Variants in LAMA2 observed in about 807,000 individuals in gnomAD.
LAMA2 encodes the protein laminin subunit alpha 2.
In LAMA2, 269 loss-of-function variants were observed where a neutral mutation model predicts 364.8. That is an observed-to-expected ratio of 0.74 (90% CI 0.67 to 0.82). LAMA2 has a LOEUF of 0.82. Among genes scored for constraint, LAMA2 ranks in the 40% least tolerant of loss-of-function variants. The probability of loss-of-function intolerance (pLI) is 0.00; values close to 1 mark genes in which losing one functional copy is unlikely to be tolerated. For missense variants in LAMA2, 3,807 were observed against 3,873.2 expected, an observed-to-expected ratio of 0.98 and a Z score of 0.45; for synonymous variants, 1,379 against 1,370.6, an observed-to-expected ratio of 1.01 and a Z score of -0.14.
chr6:129,405,711 T>C (rs868822994), intron 40 of LAMA2, among the ~76,000 whole-genome samples: 3 of 152,200 alleles, frequency 2.0e-5, no homozygotes, highest in Non-Finnish European at 4.4e-5. Flanking sequence ...AATTTTAGTT[T>C]AATAGATCAG....
intron 22 of LAMA2, among the ~76,000 whole-genome samples, chr6:129,304,643 AT>A (rs985103222): frequency 6.6e-6 from 1 of 152,034 alleles, no homozygotes; most frequent in African/African-American, 2.4e-5. Context: ...CATTTGATAC[AT>A]TTTTTTCCAG....
At chr6:129,477,395 CTTTG>C (rs915125439) in intron 53 of LAMA2, among the ~76,000 whole-genome samples, 1 of 152,084 alleles carries the variant, frequency 6.6e-6, no homozygotes, top group African/African-American at 2.4e-5. Context: ...TTCTGATAGC[CTTTG>C]TTTGTTGAGC....
intron 31 of LAMA2, among the ~76,000 whole-genome samples, chr6:129,351,995 G>T (rs2114590332): frequency 6.6e-6 from 1 of 152,242 alleles, no homozygotes; most frequent in Non-Finnish European, 1.5e-5. Flanking sequence ...AGCTAAAGAT[G>T]GTCTATGATT....
At chr6:129,395,334 C>T (rs2437091) in intron 37 of LAMA2, among the ~76,000 whole-genome samples, 95,749 of 152,008 alleles carry the variant, frequency 0.63, 31,348 homozygotes, top group Non-Finnish European at 0.74. Flanking sequence ...TTTAAGGTGG[C>T]ATGTAATTTT....
rs1271872563 is a variant in LAMA2 at position 129,401,235 on chromosome 6, G to A, written c.5457G>A (p.Glu1819=). The A allele has an allele frequency of 3.8e-6, 6 of 1,592,788 alleles. 1 individual carries two copies. The South Asian group carries it at 5.5e-5, about 15-fold the overall frequency. ...ATAATGGTCTACAGAAAAAGAAGGA[G>A]GCTGTTGAAAGCGGCAAACGACAAA... is the stretch of plus-strand genomic sequence containing the variant. ...KNMTALEKKK[E]AVESGKRQIE... Residue 1819 remains glutamate (E), a synonymous_variant, in exon 38 of 65, where the codon GAG becomes GAA. Coordinates refer to ENST00000421865, the MANE Select transcript of LAMA2 (RefSeq NM_000426.4).
chr6:129,192,590 C>T, intron 11 of LAMA2, 90 bp from the exon 12 acceptor site: 1 of 1,296,802 alleles, frequency 7.7e-7, no homozygotes. Flanking sequence ...TTTTTAATTT[C>T]CAAAAGTGGA....
chr6:128,943,459 CTT>C (rs11288751), intron 1 of LAMA2, among the ~76,000 whole-genome samples: 65 of 145,974 alleles, frequency 4.5e-4, no homozygotes, highest in African/African-American at 1.4e-3. Context: ...AGTTATTGTA[CTT>C]TTTTTTTTTT....
At chr6:129,222,739 T>G (rs1454468982) in intron 12 of LAMA2, among the ~76,000 whole-genome samples, 1 of 152,106 alleles carries the variant, frequency 6.6e-6, no homozygotes, top group African/African-American at 2.4e-5. Flanking sequence ...ATCCAGTCTA[T>G]CATTGATGGA....
chr6:129,468,861 C>T (rs745361729), intron 51 of LAMA2, among the ~76,000 whole-genome samples: 24 of 151,830 alleles, frequency 1.6e-4, no homozygotes, highest in Non-Finnish European at 2.9e-4. Context: ...TAGCAAATTA[C>T]TGTATCTGTT....
rs1357068490 is a variant in LAMA2, at chr6:129,149,006, A to G, written c.937A>G (p.Thr313Ala). 1.2e-6 allele frequency: 2 copies of G among 1,613,300 alleles called. No individual in the cohort carries two copies. The highest frequency in any genetic ancestry group is 1.7e-6 in the Non-Finnish European group (2 of 1,179,442). ...NKSRCECEHN[T>A]CGDSCDQCCP... Reference sequence around the variant, plus strand: ...ATCTCGCTGTGAGTGTGAGCATAACACATGTGGCGATAGCTGTGATCAGTG... The same window carrying G: ...ATCTCGCTGTGAGTGTGAGCATAACGCATGTGGCGATAGCTGTGATCAGTG... Residue 313 changes from threonine (T) to alanine (A), a missense_variant, in exon 7 of 65, where the codon ACA becomes GCA. By Grantham distance (58) the Thr-to-Ala change is moderately conservative. This residue lies in a region of LAMA2 where 394 missense variants were observed against 403.5 expected (regional missense o/e 0.98). Coordinates refer to ENST00000421865, the MANE Select transcript of LAMA2 (RefSeq NM_000426.4).
In LAMA2 at chr6:128,911,546, T is replaced by C. The variant is rs868594689; in HGVS notation, c.112+28189T>C. On this transcript the variant is annotated intron_variant, in intron 1 of 64. Transcript: ENST00000421865. ...ACCTGCGCCCACTGTCTGGCATTCC[T>C]TAGTGAGATGAACCCGGTACCTCAG... 2.3e-4 allele frequency among the ~76,000 whole-genome samples: 35 copies of C among 152,216 alleles called. No individual in the cohort carries two copies. In the South Asian group the frequency reaches 2.7e-3, roughly 12 times the overall value.
intron 1 of LAMA2, among the ~76,000 whole-genome samples, chr6:128,899,102 GTTGT>G (rs2114409452): frequency 6.6e-6 from 1 of 152,178 alleles, no homozygotes; most frequent in Non-Finnish European, 1.5e-5. Flanking sequence ...TTTCTTCTTT[GTTGT>G]TTGTCTCCCC....
intron 46 of LAMA2, 41 bp from the exon 47 acceptor site, chr6:129,454,114 T>A: frequency 1.9e-6 from 3 of 1,590,562 alleles, no homozygotes; most frequent in Non-Finnish European, 2.6e-6. Context: ...TAAAGGTGCT[T>A]TATATCTGAT....
At chr6:128,888,500 G>A (rs527992615) in intron 1 of LAMA2, among the ~76,000 whole-genome samples, 1 of 152,344 alleles carries the variant, frequency 6.6e-6, no homozygotes, top group Non-Finnish European at 1.5e-5. Flanking sequence ...ACGGGGTAAG[G>A]ACAGTCAGGA....
intron 1 of LAMA2, among the ~76,000 whole-genome samples, chr6:128,989,471 A>G (rs992442259): frequency 6.6e-6 from 1 of 152,134 alleles, no homozygotes; most frequent in African/African-American, 2.4e-5. Flanking sequence ...CTTGATGTAC[A>G]TTTTCTAGCT....
At chr6:129,355,257 C>T (rs1304236066) in intron 32 of LAMA2, among the ~76,000 whole-genome samples, 3 of 152,096 alleles carry the variant, frequency 2.0e-5, no homozygotes, top group Non-Finnish European at 4.4e-5. Context: ...TTTCTCTTCA[C>T]CTTTCACTAA....
At chr6:129,398,988 G>T (rs776361630) in intron 37 of LAMA2, among the ~76,000 whole-genome samples, 3 of 152,160 alleles carry the variant, frequency 2.0e-5, no homozygotes, top group Non-Finnish European at 4.4e-5. Context: ...TATGTTGCAT[G>T]ATATTGCATA....
intron 56 of LAMA2, among the ~76,000 whole-genome samples, chr6:129,489,998 C>T (rs74998838): frequency 2.5e-3 from 371 of 151,162 alleles, no homozygotes; most frequent in African/African-American, 7.1e-3. Flanking sequence ...CCTTTTTGCA[C>T]ATAGCAGGCC....
In LAMA2 at chr6:129,098,253, T is replaced by C. The variant is rs2114873289; in HGVS notation, c.477T>C (p.Asp159=). 2.5e-6 allele frequency: 4 copies of C among 1,614,118 alleles called. No homozygotes were observed. The highest frequency in any genetic ancestry group is 3.3e-4 in the Middle Eastern group (2 of 6,062). ...ACTGGATTTTGGAACGCTCTCTTGA[T>C]GATGTTGAATACAAGCCCTGGCAGT... ...PGNWILERSL[D]DVEYKPWQYH... The change falls in exon 4 of 65, where the codon GAT becomes GAC. Residue 159 remains aspartate (D), a synonymous_variant. Coordinates refer to ENST00000421865, the MANE Select transcript of LAMA2 (RefSeq NM_000426.4).
Sources: allele counts gnomAD v4.1 joint callset (sites outside exome capture counted in the v4.1 genomes callset), GRCh38; gene constraint gnomAD v4.1.1; regional missense constraint gnomAD v4.1.1; transcripts MANE v1.5; gene names NCBI Gene and HGNC (gene_info 2026-07-23, HGNC 2026-07-21).